UTRN: variants seen among roughly 807,000 people sequenced by gnomAD.
UTRN encodes utrophin.
In UTRN, 283 loss-of-function variants were observed where a neutral mutation model predicts 463.9. The ratio of observed to expected loss-of-function variants is 0.61; its 90% CI spans 0.55 to 0.67. The LOEUF (loss-of-function observed/expected upper bound fraction) is 0.67, where lower values mean the gene tolerates loss of function less well. Ranked by LOEUF, UTRN falls within the 30% of genes least tolerant of loss-of-function variation. UTRN has a pLI of 0.00. For synonymous variants in UTRN, 1,442 were observed against 1,431.5 expected, an observed-to-expected ratio of 1.01 and a Z score of -0.17; for missense variants, 3,922 against 4,084.3, an observed-to-expected ratio of 0.96 and a Z score of 1.08.
At chr6:144,361,497 G>A (rs1224806840) in intron 2 of UTRN, among the ~76,000 whole-genome samples, 2 of 152,126 alleles carry the variant, frequency 1.3e-5, no homozygotes, top group Non-Finnish European at 2.9e-5. Flanking sequence ...AATCTTCCAG[G>A]GAAGACCAGG....
chr6:144,633,253 G>A (rs1402122420), intron 51 of UTRN, among the ~76,000 whole-genome samples: 1 of 135,582 alleles, frequency 7.4e-6, no homozygotes. Flanking sequence ...TTCCTGAGAC[G>A]GAGTCTTGCT....
rs1781868011 is a variant in UTRN, at chr6:144,678,448, A to T, written c.7522A>T (p.Ser2508Cys). ...EIDAHNDIFK[S>C]IDGNRQKMVK... ...TGATGCCCACAATGACATATTTAAA[A>T]GCATTGACGGAAACAGGCAGAAGAT... The change falls in exon 52 of 75, where the codon AGC becomes TGC. Residue 2508 changes from serine (S) to cysteine (C), a missense_variant. Ser to Cys is a moderately radical substitution (Grantham distance 112, BLOSUM62 -1). This residue lies in a region of UTRN where 1,309 missense variants were observed against 1,452.6 expected (regional missense o/e 0.90). Coordinates refer to ENST00000367545, the MANE Select transcript of UTRN (RefSeq NM_007124.3). 1 of 1,613,210 alleles carries T rather than the reference A, an allele frequency of 6.2e-7. No individual in the cohort carries two copies. The highest frequency in any genetic ancestry group is 8.5e-7 in the Non-Finnish European group (1 of 1,179,576).
At chr6:144,396,532 G>A (rs1423971093) in intron 2 of UTRN, among the ~76,000 whole-genome samples, 2 of 152,124 alleles carry the variant, frequency 1.3e-5, no homozygotes, top group Admixed American at 1.3e-4. Flanking sequence ...ATATTGTTAT[G>A]TATTTTACCA....
intron 1 of UTRN, among the ~76,000 whole-genome samples, chr6:144,290,747 A>G (rs535906274): frequency 1.4e-5 from 2 of 141,388 alleles, no homozygotes; most frequent in Admixed American, 7.3e-5. Flanking sequence ...ACAAGCCACA[A>G]TCGTCTTTTT....
chr6:144,679,634 C>T (rs1159559414), intron 52 of UTRN, among the ~76,000 whole-genome samples: 2 of 152,040 alleles, frequency 1.3e-5, no homozygotes, highest in African/African-American at 2.4e-5. Flanking sequence ...TTGATAGTTC[C>T]CTAATCTATG....
At chr6:144,352,766 G>A (rs999626468) in intron 2 of UTRN, among the ~76,000 whole-genome samples, 1 of 152,104 alleles carries the variant, frequency 6.6e-6, no homozygotes, top group Non-Finnish European at 1.5e-5. Context: ...CTTGATTACT[G>A]AAATAAAGTA....
intron 31 of UTRN, 110 bp from the exon 32 acceptor site, chr6:144,490,819 T>A (rs1383021689): frequency 7.9e-7 from 1 of 1,262,302 alleles, no homozygotes; most frequent in African/African-American, 1.5e-5. Flanking sequence ...ATTTCTGAAT[T>A]TTTTTCTTTT....
intron 2 of UTRN, among the ~76,000 whole-genome samples, chr6:144,342,822 A>G (rs1273770519): frequency 1.3e-4 from 20 of 152,250 alleles, no homozygotes; most frequent in Admixed American, 1.3e-3. Flanking sequence ...TATGAATTAT[A>G]TATCAATAAA....
chr6:144,455,612 T>C (rs1474983934), intron 19 of UTRN, among the ~76,000 whole-genome samples: 1 of 152,190 alleles, frequency 6.6e-6, no homozygotes, highest in Non-Finnish European at 1.5e-5. Flanking sequence ...GGAGACTTGA[T>C]GTAGATGAGA....
At chr6:144,772,838 C>A (rs977992837) in intron 59 of UTRN, among the ~76,000 whole-genome samples, 1 of 152,024 alleles carries the variant, frequency 6.6e-6, no homozygotes, top group Non-Finnish European at 1.5e-5. Flanking sequence ...CTGGTTGGTC[C>A]AGCGGTTTTT....
chr6:144,473,059 C>G (rs1790831882), intron 23 of UTRN, among the ~76,000 whole-genome samples: 2 of 152,132 alleles, frequency 1.3e-5, no homozygotes, highest in Admixed American at 1.3e-4. Flanking sequence ...AGCCACCGTA[C>G]CTGGCCCTTA....
chr6:144,347,843 T>G (rs1165262048), intron 2 of UTRN, among the ~76,000 whole-genome samples: 3 of 145,334 alleles, frequency 2.1e-5, no homozygotes, highest in African/African-American at 5.7e-5. Context: ...CTTTGTTTTT[T>G]TTTTTTGTTT....
intron 52 of UTRN, among the ~76,000 whole-genome samples, chr6:144,699,542 G>T (rs1474997663): frequency 8.0e-6 from 1 of 125,318 alleles, no homozygotes; most frequent in Non-Finnish European, 1.6e-5. Context: ...TCCTTAAATG[G>T]CGTAAAAATA....
chr6:144,517,627 G>A (rs907539225), intron 39 of UTRN, among the ~76,000 whole-genome samples: 2 of 152,130 alleles, frequency 1.3e-5, no homozygotes, highest in Admixed American at 1.3e-4. Flanking sequence ...TAAGTAGATC[G>A]ATTATGGTAC....
chr6:144,473,825 C>T lies in UTRN; in HGVS notation c.3172C>T (p.Gln1058Ter). The T allele has an allele frequency of 6.2e-7, 1 of 1,612,398 alleles. No homozygotes were observed. The highest frequency in any genetic ancestry group is 8.5e-7 in the Non-Finnish European group (1 of 1,178,742). The change falls in exon 24 of 75, where the codon CAG becomes TAG. Residue 1058 changes from glutamine (Q) to a stop codon, truncating the protein, a stop_gained. Transcript: ENST00000367545. LOFTEE classifies it high-confidence loss of function. The part of the protein sequence containing the change: ...DDAGLQRQLD[Q>*]CSAFVNEIET... ...CGCAGGTCTACAGAGGCAGTTAGAC[C>T]AGTGCTCTGTGAGTTCTGCTGATCT... is the stretch of plus-strand genomic sequence containing the variant.
Position 144,325,986 on chromosome 6 carries a change from A to G in UTRN, c.79+34079A>G, listed in dbSNP as rs182295819. Among the ~76,000 whole-genome samples the G allele has an allele frequency of 8.5e-5, 13 of 152,252 alleles. No homozygotes were observed. In the East Asian group the frequency reaches 2.5e-3, roughly 29 times the overall value. On this transcript the variant is annotated intron_variant, in intron 2 of 74. Transcript: ENST00000367545. ...AGAGTGGATATAAAAGTGATAAGTA[A>G]AAAAAGTCTTATAGATAATGTCTGA...
intron 36 of UTRN, 75 bp downstream of exon 36, chr6:144,514,112 C>G: frequency 1.3e-6 from 2 of 1,573,720 alleles, no homozygotes; most frequent in East Asian, 2.3e-5. Flanking sequence ...CTGGAATGCT[C>G]TAAGTTACTT....
At chr6:144,667,018 C>CTCT (rs1780473281) in intron 51 of UTRN, among the ~76,000 whole-genome samples, 2 of 147,584 alleles carry the variant, frequency 1.4e-5, no homozygotes, top group South Asian at 2.2e-4. Context: ...CTTCTTCTTC[C>CTCT]TCTTCTTCCT....
At chr6:144,670,569 C>G (rs1172518491) in intron 51 of UTRN, among the ~76,000 whole-genome samples, 1 of 151,904 alleles carries the variant, frequency 6.6e-6, no homozygotes, top group Non-Finnish European at 1.5e-5. Context: ...TTTTCCCACT[C>G]TGTGACTCTA....
Sources: gnomAD v4.1 joint callset for allele counts (sites outside exome capture counted in the v4.1 genomes callset) on GRCh38, gnomAD v4.1.1 for gene constraint, gnomAD v4.1.1 regional missense constraint, MANE v1.5 for transcripts, NCBI Gene and HGNC (gene_info 2026-07-23, HGNC 2026-07-21) for gene names.